The following ATP8B1 variants were observed in gnomAD, a reference collection of about 807,000 sequenced individuals.
ATP8B1 encodes the protein ATPase phospholipid transporting 8B1.
A neutral mutation model predicts 149.9 loss-of-function variants in ATP8B1; 80 were observed. The observed-to-expected ratio is 0.53, with a 90% CI of 0.45 to 0.64. ATP8B1 has a LOEUF of 0.64. ATP8B1 is among the 30% of genes least tolerant of loss of function. The pLI, the probability that ATP8B1 is intolerant of heterozygous loss-of-function variation, is 0.00. For missense variants in ATP8B1, 1,247 were observed against 1,552.6 expected (o/e 0.80, Z 3.31); for synonymous variants, 536 against 562.8 (o/e 0.95, Z 0.67).
chr18:57,706,677 G>T, intron 2 of ATP8B1, 90 bp from the exon 3 acceptor site: 9 of 1,027,804 alleles, frequency 8.8e-6, no homozygotes, highest in Non-Finnish European at 1.3e-5. Flanking sequence ...AAATGTTGAA[G>T]TCCTAAACCT....
intron 1 of ATP8B1, among the ~76,000 whole-genome samples, chr18:57,775,929 CT>C (rs1310504988): frequency 6.6e-6 from 1 of 152,218 alleles, no homozygotes; most frequent in Non-Finnish European, 1.5e-5. Context: ...CAGGCGTGAG[CT>C]GCTGCGCCCA....
chr18:57,798,739 A>AC (rs2123474600), intron 1 of ATP8B1, among the ~76,000 whole-genome samples: 1 of 152,308 alleles, frequency 6.6e-6, no homozygotes, highest in Admixed American at 6.5e-5. Flanking sequence ...AGCAGGTGAG[A>AC]CAGCAACCAG....
intron 1 of ATP8B1, among the ~76,000 whole-genome samples, chr18:57,764,444 A>T: frequency 7.4e-6 from 1 of 135,598 alleles, no homozygotes; most frequent in Non-Finnish European, 1.5e-5. Flanking sequence ...TTTCATACCG[A>T]GTCTTGCTCT....
chr18:57,688,588 A>G, intron 12 of ATP8B1, 81 bp from the exon 13 acceptor site: 1 of 1,404,606 alleles, frequency 7.1e-7, no homozygotes, highest in Non-Finnish European at 1.0e-6. Context: ...CATTGTACAG[A>G]CGAGAGCAAG....
intron 1 of ATP8B1, chr18:57,740,932 T>G (rs1453354153): frequency 6.6e-6 from 1 of 152,014 alleles, no homozygotes; most frequent in Non-Finnish European, 1.5e-5. Context: ...CCTGAGTTCC[T>G]GAACCTTGCT....
At chr18:57,688,810 G>A in intron 12 of ATP8B1, 1 of 409,254 alleles carries the variant, frequency 2.4e-6, no homozygotes, top group South Asian at 2.4e-5. Flanking sequence ...ATAGCTAGAA[G>A]GCACCGGCTG....
intron 2 of ATP8B1, among the ~76,000 whole-genome samples, chr18:57,707,142 T>TA (rs1194153768): frequency 6.6e-6 from 1 of 152,018 alleles, no homozygotes; most frequent in East Asian, 1.9e-4. Flanking sequence ...CCGTCTCTAC[T>TA]AAAAATAGCC....
At chr18:57,774,614 T>G (rs142457626) in intron 1 of ATP8B1, among the ~76,000 whole-genome samples, 1 of 133,290 alleles carries the variant, frequency 7.5e-6, no homozygotes, top group Non-Finnish European at 1.6e-5. Flanking sequence ...AAATAAAATT[T>G]ATTTATTAAT....
chr18:57,692,469 T>C (rs1166821826), intron 11 of ATP8B1, among the ~76,000 whole-genome samples: 1 of 140,396 alleles, frequency 7.1e-6, no homozygotes, highest in Non-Finnish European at 1.5e-5. Context: ...AGCGTCTCAC[T>C]GTATCACCCA....
At chr18:57,653,682 C>CTTTT (rs71171057) in intron 24 of ATP8B1, among the ~76,000 whole-genome samples, 24 of 117,818 alleles carry the variant, frequency 2.0e-4, no homozygotes, top group South Asian at 2.9e-4. Context: ...CCTCTTTTCT[C>CTTTT]TTTTTTTTTT....
intron 1 of ATP8B1, among the ~76,000 whole-genome samples, chr18:57,758,799 G>A (rs2080112955): frequency 6.6e-6 from 1 of 152,042 alleles, no homozygotes; most frequent in African/African-American, 2.4e-5. Context: ...TCAGGCAACT[G>A]TTTGCAAGTA....
chr18:57,655,516 CAG>C lies in ATP8B1; in HGVS notation c.2708-101_2708-100del, dbSNP rs1350638124. On this transcript the variant is annotated intron_variant, in intron 22 of 27. Coordinates refer to ENST00000648908, the MANE Select transcript of ATP8B1 (RefSeq NM_001374385.1). ...TTCCATAGCAAACAAAAAACAAAGA[CAG>C]ACATTGATGGAACAATAATACAGAA... 18 of 1,076,332 alleles carry C rather than the reference CAG, an allele frequency of 1.7e-5. No homozygotes were observed. The African/African-American group carries it at 2.5e-4, about 15-fold the overall frequency. 66.7% of individuals were successfully genotyped at this position (1,076,332 alleles called of 1,614,324 possible). A position where few individuals can be genotyped will look rare whatever the true frequency, so the allele number is the denominator to read the frequency against.
In ATP8B1 at chr18:57,694,421, G is replaced by GA. The variant is rs941792442; in HGVS notation, c.1029+160dup. Among the ~76,000 whole-genome samples the GA allele has an allele frequency of 1.1e-3, 166 of 150,276 alleles. 2 individuals are homozygous for GA. Among genetic ancestry groups the GA allele is most frequent in the African/African-American group, 3.1e-3 (129 of 41,002 alleles). The stretch of plus-strand genomic sequence containing the variant: ...TCTGAGAAAAAGTAAGGCATTTCTG[G>GA]AAAAAAAAATCCCTTCTTCCTGCAT... On this transcript the variant is annotated intron_variant, in intron 11 of 27. Transcript: ENST00000648908.
chr18:57,669,191 G>T, intron 18 of ATP8B1, 127 bp downstream of exon 18: 2 of 983,220 alleles, frequency 2.0e-6, no homozygotes, highest in Non-Finnish European at 2.9e-6. Context: ...TTCTTCCATT[G>T]TGCCAGTGTC....
At chr18:57,741,997 G>A (rs1384149595) in intron 1 of ATP8B1, among the ~76,000 whole-genome samples, 1 of 152,096 alleles carries the variant, frequency 6.6e-6, no homozygotes, top group Non-Finnish European at 1.5e-5. Context: ...AGCCTTTCCA[G>A]TAGCTGGGAC....
chr18:57,758,522 C>G (rs139634354), intron 1 of ATP8B1, among the ~76,000 whole-genome samples: 2,315 of 151,848 alleles, frequency 0.015, 68 homozygotes, highest in African/African-American at 0.053. Flanking sequence ...GTGGTGCATG[C>G]CTGTAATCCC....
chr18:57,672,929 T>TAA lies in ATP8B1; in HGVS notation c.1820-1350_1820-1349insTT, dbSNP rs1220841359. Among the ~76,000 whole-genome samples, 18 of 20,950 alleles carry TAA rather than the reference T, an allele frequency of 8.6e-4. 1 individual carries two copies. The highest frequency in any genetic ancestry group is 2.8e-3 in the African/African-American group (13 of 4,586). 13.7% of individuals were successfully genotyped at this position (20,950 alleles called of 152,430 possible). A position where few individuals can be genotyped will look rare whatever the true frequency, so the allele number is the denominator to read the frequency against. Reference sequence around the variant, plus strand: ...ATATATATATATATATATATATATATATAACATGTATATACACATATATAC... The same window carrying TAA: ...ATATATATATATATATATATATATATAAATAACATGTATATACACATATATAC... On this transcript the variant is annotated intron_variant, in intron 16 of 27. Coordinates refer to ENST00000648908, the MANE Select transcript of ATP8B1 (RefSeq NM_001374385.1).
Position 57,704,617 on chromosome 18 carries a change from T to G in ATP8B1, c.331A>C (p.Asn111His). Residue 111 changes from asparagine (N) to histidine (H), a missense_variant, in exon 4 of 28, where the codon AAT becomes CAT. By Grantham distance (68) the Asn-to-His change is moderately conservative (BLOSUM62 1). Around this residue, in one of 3 missense-constraint regions of ATP8B1, gnomAD observed 853 missense variants for 1,035.7 expected, o/e 0.82. Coordinates refer to ENST00000648908, the MANE Select transcript of ATP8B1 (RefSeq NM_001374385.1). ...KYNAFTFIPM[N>H]LFEQFKRAAN... ...GCTCTCTTAAACTGCTCAAACAGAT[T>G]CATTGGTATAAAGGTAAATGCGTTG... 2.5e-6 allele frequency: 4 copies of G among 1,612,236 alleles called. No individual in the cohort carries two copies. Among genetic ancestry groups the G allele is most frequent in the Non-Finnish European group, 3.4e-6 (4 of 1,178,294 alleles).
rs1343934804 is a variant in ATP8B1 at position 57,695,273 on chromosome 18, A to G, written c.838T>C (p.Phe280Leu). 6.2e-7 allele frequency: 1 copy of G among 1,612,950 alleles called. No individual in the cohort carries two copies. Among genetic ancestry groups the G allele is most frequent in the African/African-American group, 1.3e-5 (1 of 74,908 alleles). Residue 280 changes from phenylalanine to leucine, a missense_variant, in exon 10 of 28, where the codon TTT becomes CTT. By Grantham distance (22) the Phe-to-Leu change is conservative. Around this residue, in one of 3 missense-constraint regions of ATP8B1, gnomAD observed 853 missense variants for 1,035.7 expected, o/e 0.82. Coordinates refer to ENST00000648908, the MANE Select transcript of ATP8B1 (RefSeq NM_001374385.1). ...AAAGGAAAACTTGTGTTTCTCCAAA[A>G]TAGTGTTCCTGTAAACTTATCTAGT... ...NRLDKFTGTLFWRNTSFPLDA... is the reference protein window; with the variant it reads ...NRLDKFTGTLLWRNTSFPLDA...
Sources: gnomAD v4.1 joint callset for allele counts (sites outside exome capture counted in the v4.1 genomes callset) on GRCh38, gnomAD v4.1.1 for gene constraint, gnomAD v4.1.1 regional missense constraint, MANE v1.5 for transcripts, NCBI Gene and HGNC (gene_info 2026-07-23, HGNC 2026-07-21) for gene names.